RASA2: variants seen among roughly 807,000 people sequenced by gnomAD.
RASA2 encodes ras GTPase-activating protein 2.
A neutral mutation model predicts 118.2 loss-of-function variants in RASA2; 155 were observed. That is an observed-to-expected ratio of 1.31 (90% confidence interval 1.15 to 1.50). RASA2 has a LOEUF of 1.50. Among genes scored for constraint, RASA2 ranks in the 40% most tolerant of loss-of-function variants. RASA2 has a pLI of 0.00. For missense variants in RASA2, 1,016 were observed against 1,009.6 expected (o/e 1.01, Z -0.09); for synonymous variants, 353 against 349.1 (o/e 1.01, Z -0.12).
In RASA2 at chr3:141,571,325, G is replaced by T. The variant is rs1254125662; in HGVS notation, c.1021-81G>T. 6 of 1,505,574 alleles carry T rather than the reference G, an allele frequency of 4.0e-6. No individual in the cohort carries two copies. In the Admixed American group the frequency reaches 1.3e-4, roughly 33 times the overall value. The allele number at this position is 1,505,574 out of a possible 1,614,324, so 93.3% of individuals were successfully genotyped here. A position where few individuals can be genotyped will look rare whatever the true frequency, so the allele number is the denominator to read the frequency against. On this transcript the variant is annotated intron_variant, in intron 10 of 23. Coordinates refer to ENST00000286364, the MANE Select transcript of RASA2 (RefSeq NM_006506.5). ...TAACAGCTTTAGTGACATTATTTCA[G>T]TTACTTTTACAGGCTAGTGATTGAA...
intron 14 of RASA2, among the ~76,000 whole-genome samples, chr3:141,574,469 C>T (rs1009296391): frequency 2.0e-5 from 3 of 152,200 alleles, no homozygotes; most frequent in Non-Finnish European, 1.5e-5. Flanking sequence ...GGATTACAGG[C>T]GTGAGCCACC....
intron 1 of RASA2, among the ~76,000 whole-genome samples, chr3:141,505,286 C>T (rs752302052): frequency 1.1e-4 from 16 of 152,328 alleles, no homozygotes; most frequent in Non-Finnish European, 1.8e-4. Flanking sequence ...TAGAACAGTG[C>T]CTCGTGTGTT....
At chr3:141,501,964 A>T (rs1177427446) in intron 1 of RASA2, among the ~76,000 whole-genome samples, 1 of 152,018 alleles carries the variant, frequency 6.6e-6, no homozygotes, top group Non-Finnish European at 1.5e-5. Flanking sequence ...TATTTCTATT[A>T]CTGGTTGAGC....
chr3:141,554,127 C>G (rs945623997), intron 6 of RASA2, among the ~76,000 whole-genome samples, 187 bp downstream of exon 6: 1 of 152,264 alleles, frequency 6.6e-6, no homozygotes, highest in African/African-American at 2.4e-5. Context: ...TTTTTACAGA[C>G]AGAAATTGGT....
chr3:141,548,682 T>C (rs571068391), intron 5 of RASA2, among the ~76,000 whole-genome samples: 2 of 152,210 alleles, frequency 1.3e-5, no homozygotes, highest in Admixed American at 6.5e-5. Context: ...GAGTAATGTA[T>C]GGGAAGATTC....
intron 1 of RASA2, among the ~76,000 whole-genome samples, chr3:141,509,634 T>A (rs1398502377): frequency 6.6e-6 from 1 of 152,048 alleles, no homozygotes; most frequent in Admixed American, 6.6e-5. Flanking sequence ...AAGGGAGACG[T>A]CAAAGAAAAA....
chr3:141,590,529 C>G (rs1013416686), intron 19 of RASA2, among the ~76,000 whole-genome samples: 1 of 152,178 alleles, frequency 6.6e-6, no homozygotes, highest in Non-Finnish European at 1.5e-5. Flanking sequence ...AACGTCAGGA[C>G]TTTCTCCTGT....
At chr3:141,595,175 T>C (rs2083347315) in intron 19 of RASA2, among the ~76,000 whole-genome samples, 2 of 151,968 alleles carry the variant, frequency 1.3e-5, no homozygotes, top group South Asian at 4.1e-4. Context: ...AATTAAAATG[T>C]GAGGAAGGGA....
intron 5 of RASA2, among the ~76,000 whole-genome samples, chr3:141,541,515 A>G (rs1032631491): frequency 1.5e-4 from 23 of 152,102 alleles, no homozygotes; most frequent in African/African-American, 3.9e-4. Flanking sequence ...TCCTAAGAAT[A>G]AGGAATATTA....
intron 6 of RASA2, among the ~76,000 whole-genome samples, chr3:141,555,395 A>G (rs1300382184): frequency 6.6e-6 from 1 of 152,182 alleles, no homozygotes; most frequent in Non-Finnish European, 1.5e-5. Flanking sequence ...CTCTGAATCT[A>G]TAATTAAATT....
At chr3:141,590,061 C>T (rs1362583336) in intron 19 of RASA2, 2 of 451,550 alleles carry the variant, frequency 4.4e-6, no homozygotes, top group African/African-American at 4.0e-5. Flanking sequence ...AGCTTCCATG[C>T]TTTTTGTTTT....
At chr3:141,559,585 C>G (rs192737989) in intron 8 of RASA2, among the ~76,000 whole-genome samples, 2 of 152,078 alleles carry the variant, frequency 1.3e-5, no homozygotes, top group East Asian at 3.9e-4. Flanking sequence ...AAACTGTAGT[C>G]TTATTGTAGT....
Position 141,577,023 on chromosome 3 carries a change from G to T in RASA2, c.1507G>T (p.Ala503Ser), listed in dbSNP as rs1164726184. The change falls in exon 15 of 24, where the codon GCA (alanine) becomes TCA (serine). Residue 503 changes from alanine (A) to serine (S), a missense_variant. Around this residue, in one of 2 missense-constraint regions of RASA2, gnomAD observed 896 missense variants for 836.4 expected, o/e 1.07. Coordinates refer to ENST00000286364, the MANE Select transcript of RASA2 (RefSeq NM_006506.5). The part of the protein sequence containing the change: ...FPNDPHVQYS[A>S]VSSFVFLRFF... ...AGATGACCCTCATGTTCAGTATTCT[G>T]CAGTGAGCAGCTTTGTATTTCTTCG... 6.2e-7 allele frequency: 1 copy of T among 1,609,600 alleles called. No individual in the cohort carries two copies.
Position 141,489,575 on chromosome 3 carries a change from A to G in RASA2, c.133+2359A>G, listed in dbSNP as rs566114473. 1.2e-4 allele frequency among the ~76,000 whole-genome samples: 19 copies of G among 152,340 alleles called. 1 individual carries two copies. In the South Asian group the frequency reaches 1.9e-3, roughly 15 times the overall value. ...ACTAGGAGATGTGCTGGCAGATTTT[A>G]TACTACTGATTGAGAGCCTCTTTTC... On this transcript the variant is annotated intron_variant, in intron 1 of 23. Transcript: ENST00000286364.
chr3:141,607,684 A>G lies in RASA2; in HGVS notation c.1940A>G (p.Asp647Gly). The G allele has an allele frequency of 1.3e-6, 2 of 1,573,904 alleles. No homozygotes were observed. The highest frequency in any genetic ancestry group is 1.7e-6 in the Non-Finnish European group (2 of 1,165,950). Residue 647 changes from aspartate to glycine, a missense_variant, in exon 20 of 24, where the codon GAT becomes GGT. By Grantham distance (94) the Asp-to-Gly change is moderately conservative. Coordinates refer to ENST00000286364, the MANE Select transcript of RASA2 (RefSeq NM_006506.5). Reference protein sequence around the residue: ...ELTYHKQPGKDAIYTIPVKNI... With the variant: ...ELTYHKQPGKGAIYTIPVKNI... The stretch of plus-strand genomic sequence containing the variant: ...TACTTTTTTTATTATTTAGGCAAAG[A>G]TGCAATCTACACAATCCCAGTAAAA...
chr3:141,489,085 T>C (rs1456595582), intron 1 of RASA2, among the ~76,000 whole-genome samples: 1 of 152,260 alleles, frequency 6.6e-6, no homozygotes, highest in Non-Finnish European at 1.5e-5. Context: ...AAAGCAACCC[T>C]GGCTTGGAAA....
intron 1 of RASA2, among the ~76,000 whole-genome samples, chr3:141,506,789 G>A (rs748379184): frequency 1.2e-4 from 19 of 152,088 alleles, no homozygotes; most frequent in African/African-American, 1.7e-4. Context: ...GGTGGTATGT[G>A]TCTGTAGTCC....
At chr3:141,580,085 A>AAAAAT (rs1553797703) in intron 15 of RASA2, among the ~76,000 whole-genome samples, 27 of 59,598 alleles carry the variant, frequency 4.5e-4, no homozygotes, top group East Asian at 4.0e-3. Context: ...AAAAAAAAAA[A>AAAAAT]ATATATATAT....
At chr3:141,593,961 G>A (rs928031274) in intron 19 of RASA2, among the ~76,000 whole-genome samples, 11 of 152,114 alleles carry the variant, frequency 7.2e-5, no homozygotes, top group Non-Finnish European at 1.0e-4. Flanking sequence ...GAGAAAAGGC[G>A]ATCAGTAGAA....
Sources: allele counts gnomAD v4.1 joint callset (sites outside exome capture counted in the v4.1 genomes callset), GRCh38; gene constraint gnomAD v4.1.1; regional missense constraint gnomAD v4.1.1; transcripts MANE v1.5; gene names NCBI Gene and HGNC (gene_info 2026-07-23, HGNC 2026-07-21).